The following MTHFD1 variants were observed in gnomAD, a reference collection of about 807,000 sequenced individuals.
MTHFD1 encodes methylenetetrahydrofolate dehydrogenase, cyclohydrolase and formyltetrahydrofolate synthetase 1, also known as C-1-tetrahydrofolate synthase, cytoplasmic.
In MTHFD1, 44 loss-of-function variants were observed where a neutral mutation model predicts 110.3. The ratio of observed to expected loss-of-function variants is 0.40; its 90% confidence interval spans 0.31 to 0.51. The LOEUF is 0.51. MTHFD1 is among the 20% of genes least tolerant of loss of function. The pLI, the probability that MTHFD1 is intolerant of heterozygous loss-of-function variation, is 0.60. For missense variants in MTHFD1, 909 were observed against 1,173.1 expected, an observed-to-expected ratio of 0.77 and a Z score of 3.29; for synonymous variants, 402 against 428.8, an observed-to-expected ratio of 0.94 and a Z score of 0.77.
rs1484683284 is a variant in MTHFD1, at chr14:64,430,170, G to A, written c.1265-14G>A. 2.5e-6 allele frequency: 4 copies of A among 1,613,366 alleles called. No individual in the cohort carries two copies. In the East Asian group the frequency reaches 8.9e-5, roughly 36 times the overall value. On this transcript the variant is annotated splice_polypyrimidine_tract_variant and intron_variant, in intron 12 of 27. Coordinates refer to ENST00000652337, the MANE Select transcript of MTHFD1 (RefSeq NM_005956.4). Reference sequence around the variant, plus strand: ...CATGCTTAACTGAGCTTCCACCCTTGACCTGTCCCCTAGGTGGCGCTGCAG... The same window carrying A: ...CATGCTTAACTGAGCTTCCACCCTTAACCTGTCCCCTAGGTGGCGCTGCAG...
intron 4 of MTHFD1, among the ~76,000 whole-genome samples, chr14:64,413,449 C>A (rs901167369): frequency 6.6e-6 from 1 of 152,140 alleles, no homozygotes; most frequent in Admixed American, 6.6e-5. Context: ...CTAGGCAGAA[C>A]AAATCAGCGG....
chr14:64,440,230 C>G lies in MTHFD1; in HGVS notation c.1779C>G (p.Ser593=). 6.2e-7 allele frequency: 1 copy of G among 1,614,122 alleles called. No individual in the cohort carries two copies. The highest frequency in any genetic ancestry group is 8.5e-7 in the Non-Finnish European group (1 of 1,180,032). The change falls in exon 18 of 28, where the codon TCC becomes TCG. Residue 593 remains serine, a synonymous_variant. Transcript: ENST00000652337. ...GACTGGGCAAAATGGTGGTGGCATC[C>G]AGTAAGAAAGGAGAGCCCGTCAGTG... ...RERLGKMVVA[S]SKKGEPVSAE... is the part of the protein sequence containing the mutation.
chr14:64,430,613 C>T (rs1297279118), intron 13 of MTHFD1, among the ~76,000 whole-genome samples: 1 of 152,132 alleles, frequency 6.6e-6, no homozygotes, highest in African/African-American at 2.4e-5. Flanking sequence ...TTTATTATAG[C>T]TTTTTCTCTC....
intron 14 of MTHFD1, 26 bp downstream of exon 14, chr14:64,431,665 C>T (rs984919448): frequency 6.8e-6 from 11 of 1,607,840 alleles, no homozygotes; most frequent in Non-Finnish European, 9.4e-6. Context: ...CCCATGAACC[C>T]CATTGAACAG....
chr14:64,427,404 G>C lies in MTHFD1; in HGVS notation c.1195G>C (p.Ala399Pro). The C allele has an allele frequency of 6.2e-7, 1 of 1,614,122 alleles. No individual in the cohort carries two copies. Among genetic ancestry groups the C allele is most frequent in the Non-Finnish European group, 8.5e-7 (1 of 1,179,968 alleles). The change falls in exon 12 of 28, where the codon GCC becomes CCC. Residue 399 changes from alanine (A) to proline (P), a missense_variant. By Grantham distance (27) the Ala-to-Pro change is conservative (BLOSUM62 -1). Transcript: ENST00000652337. ...TTIGLVQALG[A>P]HLYQNVFACV... The stretch of plus-strand genomic sequence containing the variant: ...AATCGGGCTAGTGCAAGCCCTTGGT[G>C]CCCATCTCTACCAGAATGTCTTTGC...
At chr14:64,422,845 GACC>G (rs2140961621) in intron 8 of MTHFD1, 1 of 152,210 alleles carries the variant, frequency 6.6e-6, no homozygotes, top group African/African-American at 2.4e-5. Context: ...TTTTTCCACT[GACC>G]ACATCATCCT....
chr14:64,449,635 C>T lies in MTHFD1; in HGVS notation c.2457+13C>T. ...TTATGACCTCAAGGTGGGTGATTTGCTGTCTGCAAAAAAAGAAAAAAGACG... is the reference window on the plus strand; with the variant it reads ...TTATGACCTCAAGGTGGGTGATTTGTTGTCTGCAAAAAAAGAAAAAAGACG... On this transcript the variant is annotated intron_variant, in intron 24 of 27. Coordinates refer to ENST00000652337, the MANE Select transcript of MTHFD1 (RefSeq NM_005956.4). 1 of 1,613,544 alleles carries T rather than the reference C, an allele frequency of 6.2e-7. No individual in the cohort carries two copies. Among genetic ancestry groups the T allele is most frequent in the South Asian group, 1.1e-5 (1 of 91,080 alleles).
intron 22 of MTHFD1, chr14:64,447,958 GCT>G: frequency 1.9e-6 from 1 of 518,634 alleles, no homozygotes; most frequent in Non-Finnish European, 3.5e-6. Flanking sequence ...AAACATACCA[GCT>G]CTTTTTTTCT....
At chr14:64,395,954 C>T (rs969269472) in intron 1 of MTHFD1, among the ~76,000 whole-genome samples, 2 of 152,120 alleles carry the variant, frequency 1.3e-5, no homozygotes, top group Non-Finnish European at 2.9e-5. Context: ...ATTTTCATGT[C>T]ATAAATATCA....
chr14:64,425,548 C>T (rs1353047006), intron 9 of MTHFD1, among the ~76,000 whole-genome samples, 182 bp from the exon 10 acceptor site: 1 of 152,076 alleles, frequency 6.6e-6, no homozygotes, highest in African/African-American at 2.4e-5. Context: ...TGACAGGGGC[C>T]AGGCGAGCAG....
intron 12 of MTHFD1, among the ~76,000 whole-genome samples, chr14:64,428,123 T>TCC (rs1566565831): frequency 6.8e-6 from 1 of 146,654 alleles, no homozygotes; most frequent in Non-Finnish European, 1.5e-5. Context: ...TTTTTTTTTT[T>TCC]TTTTGAGACA....
At chr14:64,394,520 G>A (rs1034778162) in intron 1 of MTHFD1, among the ~76,000 whole-genome samples, 1 of 151,924 alleles carries the variant, frequency 6.6e-6, no homozygotes, top group African/African-American at 2.4e-5. Context: ...AGACAGGTCA[G>A]ACCTACTTAC....
chr14:64,438,590 A>C (rs2078224205), intron 16 of MTHFD1, among the ~76,000 whole-genome samples: 1 of 152,212 alleles, frequency 6.6e-6, no homozygotes, highest in South Asian at 2.1e-4. Flanking sequence ...TTCTGTCATC[A>C]GAATAAAAAT....
At position 64,418,727 on chromosome 14, in the gene MTHFD1, T is replaced by G. The variant is rs985414974; in HGVS notation, c.615+703T>G. ...ATGTGCCACCACGCCTGGCTAATTTTGTATTTTTAGTAGAGACAAGGTTTC... is the reference window on the plus strand; with the variant it reads ...ATGTGCCACCACGCCTGGCTAATTTGGTATTTTTAGTAGAGACAAGGTTTC... On this transcript the variant is annotated intron_variant, in intron 7 of 27. Transcript: ENST00000652337. 5.9e-5 allele frequency among the ~76,000 whole-genome samples: 9 copies of G among 151,468 alleles called. No individual in the cohort carries two copies. In the East Asian group the frequency reaches 1.2e-3, roughly 20 times the overall value.
At chr14:64,418,804 C>T (rs1182986595) in intron 7 of MTHFD1, among the ~76,000 whole-genome samples, 1 of 152,134 alleles carries the variant, frequency 6.6e-6, no homozygotes, top group Non-Finnish European at 1.5e-5. Flanking sequence ...GATCCACCTG[C>T]CTTGGCCTCC....
At chr14:64,428,192 C>T (rs751644624) in intron 12 of MTHFD1, among the ~76,000 whole-genome samples, 23 of 143,794 alleles carry the variant, frequency 1.6e-4, no homozygotes, top group Non-Finnish European at 3.3e-4. Context: ...CGGCTCATTG[C>T]AACCTCTCCA....
intron 13 of MTHFD1, 109 bp from the exon 14 acceptor site, chr14:64,431,423 C>T: frequency 2.2e-6 from 2 of 893,640 alleles, no homozygotes; most frequent in South Asian, 2.8e-5. Flanking sequence ...AACTGGGCTG[C>T]CTTCAGTATT....
intron 23 of MTHFD1, among the ~76,000 whole-genome samples, chr14:64,448,800 A>G (rs2078321460): frequency 8.2e-6 from 1 of 122,598 alleles, no homozygotes; most frequent in African/African-American, 3.9e-5. Flanking sequence ...GAAGCAAAAA[A>G]TCTTTTTTTT....
rs576764363 is a variant in MTHFD1, at chr14:64,397,925, T to A, written c.42-2868T>A. ...TTAAATATTTTAAATTCAGCCATGA[T>A]GTTAAACAGAGTGAATTGGAATTTC... On this transcript the variant is annotated intron_variant, in intron 1 of 27. Transcript: ENST00000652337. 4.6e-5 allele frequency among the ~76,000 whole-genome samples: 7 copies of A among 152,252 alleles called. No homozygotes were observed. The South Asian group carries it at 1.2e-3, about 27-fold the overall frequency.
Sources: allele counts gnomAD v4.1 joint callset (sites outside exome capture counted in the v4.1 genomes callset), GRCh38; gene constraint gnomAD v4.1.1; transcripts MANE v1.5; gene names NCBI Gene and HGNC (gene_info 2026-07-23, HGNC 2026-07-21).